The following IFT74 variants were observed in gnomAD, a reference collection of about 807,000 sequenced individuals.
IFT74 encodes the protein intraflagellar transport protein 74 homolog.
In IFT74, 92 loss-of-function variants were observed where a neutral mutation model predicts 96.7. That is an observed-to-expected ratio of 0.95 (90% CI 0.80 to 1.13). The LOEUF (loss-of-function observed/expected upper bound fraction) is 1.13, where lower values mean the gene tolerates loss of function less well. Ranked by LOEUF, IFT74 falls within the 50% of genes most tolerant of loss-of-function variation. IFT74 has a pLI of 0.00. For synonymous variants in IFT74, 223 were observed against 213.2 expected (o/e 1.05, Z -0.40); for missense variants, 811 against 698.2 (o/e 1.16, Z -1.82).
chr9:26,977,403 G>C (rs889253573), intron 2 of IFT74, among the ~76,000 whole-genome samples: 10 of 152,190 alleles, frequency 6.6e-5, no homozygotes, highest in African/African-American at 2.4e-4. Flanking sequence ...TTCAAGACCA[G>C]CCTGAATAAC....
chr9:27,003,343 C>T (rs909053580), intron 8 of IFT74, among the ~76,000 whole-genome samples: 9 of 151,986 alleles, frequency 5.9e-5, no homozygotes, highest in Non-Finnish European at 8.8e-5. Context: ...GCCAACATGG[C>T]GAAACCTCAT....
chr9:26,965,173 A>C (rs1031644975), intron 2 of IFT74, among the ~76,000 whole-genome samples: 1 of 152,220 alleles, frequency 6.6e-6, no homozygotes. Flanking sequence ...ATATCAATTT[A>C]ACATAGAAAA....
At chr9:26,961,822 G>GT (rs2131479220) in intron 1 of IFT74, 127 bp from the exon 2 acceptor site, 1 of 867,208 alleles carries the variant, frequency 1.2e-6, no homozygotes, top group African/African-American at 1.7e-5. Flanking sequence ...AATTAGCCTT[G>GT]TAGTGGTACA....
chr9:26,953,845 C>G (rs1242932778), upstream of IFT74, among the ~76,000 whole-genome samples: 1 of 152,114 alleles, frequency 6.6e-6, no homozygotes, highest in Non-Finnish European at 1.5e-5. Context: ...TACAAACATC[C>G]TACAAAGACA....
chr9:27,044,895 T>C (rs920962925), intron 14 of IFT74, 100 bp downstream of exon 14: 6 of 621,362 alleles, frequency 9.7e-6, no homozygotes, highest in Admixed American at 6.4e-5. Flanking sequence ...TAATGGCTAA[T>C]AAATGCAGAA....
intron 8 of IFT74, chr9:26,998,276 A>G (rs774936965): frequency 5.9e-6 from 7 of 1,186,238 alleles, no homozygotes; most frequent in South Asian, 2.0e-5. Context: ...CATTAATCAG[A>G]AAAAAAATTA....
chr9:27,025,924 A>G (rs534574834), intron 12 of IFT74, among the ~76,000 whole-genome samples: 2 of 152,306 alleles, frequency 1.3e-5, no homozygotes, highest in South Asian at 2.1e-4. Context: ...AACACAATGG[A>G]AATGAAAAAC....
At chr9:26,972,857 C>A (rs1040426660) in intron 2 of IFT74, among the ~76,000 whole-genome samples, 2 of 152,096 alleles carry the variant, frequency 1.3e-5, no homozygotes, top group African/African-American at 4.8e-5. Context: ...ACCCATAACC[C>A]CTCAAACTGT....
At chr9:26,963,965 T>G (rs951895512) in intron 2 of IFT74, among the ~76,000 whole-genome samples, 1 of 151,990 alleles carries the variant, frequency 6.6e-6, no homozygotes, top group African/African-American at 2.4e-5. Context: ...CTCTTTAGTT[T>G]AATGAGATCC....
At chr9:26,982,054 C>T (rs1827400362) in intron 4 of IFT74, among the ~76,000 whole-genome samples, 5 of 152,020 alleles carry the variant, frequency 3.3e-5, no homozygotes, top group Admixed American at 3.3e-4. Context: ...TAGGCTGAGC[C>T]ACCGCACCTG....
At chr9:26,985,066 C>T (rs1276927382) in intron 6 of IFT74, among the ~76,000 whole-genome samples, 1 of 152,168 alleles carries the variant, frequency 6.6e-6, no homozygotes, top group Non-Finnish European at 1.5e-5. Context: ...AAATGCCCAT[C>T]AGTGGCAGAT....
At chr9:26,959,233 C>T (rs1426802806) in intron 1 of IFT74, among the ~76,000 whole-genome samples, 5 of 152,142 alleles carry the variant, frequency 3.3e-5, no homozygotes, top group Non-Finnish European at 7.3e-5. Flanking sequence ...CTCAGCCTCC[C>T]GATTGGCTGG....
chr9:26,972,886 A>G (rs999845713), intron 2 of IFT74, among the ~76,000 whole-genome samples: 2 of 152,184 alleles, frequency 1.3e-5, no homozygotes, highest in Non-Finnish European at 2.9e-5. Context: ...AAGAATATGT[A>G]TAGAGAAGTC....
chr9:26,969,512 T>A (rs7875171), intron 2 of IFT74, among the ~76,000 whole-genome samples: 15,471 of 152,020 alleles, frequency 0.1, 1,800 homozygotes, highest in East Asian at 0.65. Flanking sequence ...GTTGTTTTTT[T>A]AAAATCTTCT....
At chr9:27,024,030 G>A (rs1357609757) in intron 12 of IFT74, among the ~76,000 whole-genome samples, 1 of 152,180 alleles carries the variant, frequency 6.6e-6, no homozygotes, top group African/African-American at 2.4e-5. Flanking sequence ...CCTCTTGAAA[G>A]TGCCACCTCC....
chr9:27,002,319 C>G lies in IFT74; in HGVS notation c.588-6701C>G, dbSNP rs544271857. 3.4e-3 allele frequency among the ~76,000 whole-genome samples: 513 copies of G among 152,322 alleles called. 3 individuals carry two copies. Among genetic ancestry groups the G allele is most frequent in the African/African-American group, 0.012 (492 of 41,576 alleles). On this transcript the variant is annotated intron_variant, in intron 8 of 19. Transcript: ENST00000380062. ...GGGTCCATGTGAAGAGACCACCAAACAGGCTTTGTGTGAGCAACATGGCTG... is the reference window on the plus strand; with the variant it reads ...GGGTCCATGTGAAGAGACCACCAAAGAGGCTTTGTGTGAGCAACATGGCTG...
intron 1 of IFT74, among the ~76,000 whole-genome samples, chr9:26,959,399 G>A (rs933148004): frequency 6.6e-6 from 1 of 152,184 alleles, no homozygotes; most frequent in African/African-American, 2.4e-5. Context: ...ATGAGCCACC[G>A]CGCCCGGCTG....
intron 15 of IFT74, 66 bp downstream of exon 15, chr9:27,047,437 C>G: frequency 1.1e-6 from 1 of 926,534 alleles, no homozygotes; most frequent in Admixed American, 2.5e-5. Context: ...CCAAATACAA[C>G]TCAAAAAATA....
chr9:27,039,703 TC>T (rs1469246126), intron 13 of IFT74, among the ~76,000 whole-genome samples: 1 of 152,122 alleles, frequency 6.6e-6, no homozygotes, highest in Non-Finnish European at 1.5e-5. Context: ...TCATAAGTAA[TC>T]TAGGGATGAT....
Sources: gnomAD v4.1 joint callset for allele counts (sites outside exome capture counted in the v4.1 genomes callset) on GRCh38, gnomAD v4.1.1 for gene constraint, MANE v1.5 for transcripts, NCBI Gene and HGNC (gene_info 2026-07-23, HGNC 2026-07-21) for gene names.